ATCAY: variants seen among roughly 807,000 people sequenced by gnomAD.
ATCAY encodes the protein caytaxin.
A neutral mutation model predicts 47.7 loss-of-function variants in ATCAY; 22 were observed. That is an observed-to-expected ratio of 0.46 (90% CI 0.33 to 0.66). The LOEUF is 0.66. Ranked by LOEUF, ATCAY falls within the 30% of genes least tolerant of loss-of-function variation. ATCAY has a pLI of 0.02. For synonymous variants in ATCAY, 216 were observed against 207.6 expected (o/e 1.04, Z -0.35); for missense variants, 452 against 515.0 (o/e 0.88, Z 1.18).
At chr19:3,911,802 C>T (rs1020674705) in intron 8 of ATCAY, among the ~76,000 whole-genome samples, 6 of 152,138 alleles carry the variant, frequency 3.9e-5, no homozygotes, top group African/African-American at 1.2e-4. Flanking sequence ...CTGGGATGAG[C>T]GAAAGAGACG....
intron 12 of ATCAY, among the ~76,000 whole-genome samples, chr19:3,923,466 G>A (rs2039037311): frequency 6.6e-6 from 1 of 151,874 alleles, no homozygotes; most frequent in Non-Finnish European, 1.5e-5. Flanking sequence ...GTGGATGGAT[G>A]GAAGGATGTT....
intron 9 of ATCAY, among the ~76,000 whole-genome samples, chr19:3,914,249 A>AAAAAAAG (rs2038947906): frequency 1.3e-5 from 2 of 150,452 alleles, no homozygotes; most frequent in South Asian, 4.2e-4. Flanking sequence ...AAAAAAAAAA[A>AAAAAAAG]AGGGCTAACG....
intron 2 of ATCAY, among the ~76,000 whole-genome samples, chr19:3,887,273 G>A (rs2038666037): frequency 6.6e-6 from 1 of 150,656 alleles, no homozygotes; most frequent in Admixed American, 6.7e-5. Flanking sequence ...GCCTGGGCAA[G>A]ATAGTGAGAC....
intron 6 of ATCAY, 93 bp from the exon 7 acceptor site, chr19:3,909,393 G>C (rs933584082): frequency 6.8e-7 from 1 of 1,469,068 alleles, no homozygotes; most frequent in Non-Finnish European, 9.3e-7. Context: ...CCCAGCCAGC[G>C]GCAGGAGTGG....
chr19:3,902,097 G>A (rs141019874), intron 2 of ATCAY, among the ~76,000 whole-genome samples: 190 of 152,264 alleles, frequency 1.2e-3, no homozygotes, highest in African/African-American at 4.4e-3. Context: ...AAGATGGCTT[G>A]AGCCCAGGAG....
Position 3,918,884 on chromosome 19 carries a change from G to A in ATCAY, c.1073+7G>A, listed in dbSNP as rs749723971. 3.1e-6 allele frequency: 5 copies of A among 1,613,864 alleles called. No individual in the cohort carries two copies. The highest frequency in any genetic ancestry group is 2.2e-5 in the East Asian group (1 of 44,894). On this transcript the variant is annotated splice_region_variant and intron_variant, in intron 11 of 12. Coordinates refer to ENST00000450849, the MANE Select transcript of ATCAY (RefSeq NM_033064.5). Reference sequence around the variant, plus strand: ...TGGCACCAGTGGAAAACAGGTAGGTGTGCAGGGGACCATGGGCAGAGAGCT... The same window carrying A: ...TGGCACCAGTGGAAAACAGGTAGGTATGCAGGGGACCATGGGCAGAGAGCT...
chr19:3,896,300 CT>C (rs2038769725), intron 2 of ATCAY, among the ~76,000 whole-genome samples: 1 of 148,752 alleles, frequency 6.7e-6, no homozygotes, highest in Admixed American at 6.8e-5. Context: ...CAGAGTCTCA[CT>C]CTGTCACTCA....
rs752433771 is a variant in ATCAY, at chr19:3,907,786, A to G, written c.411A>G (p.Leu137=). 107 of 1,613,884 alleles carry G rather than the reference A, an allele frequency of 6.6e-5. No individual in the cohort carries two copies. Among genetic ancestry groups the G allele is most frequent in the Non-Finnish European group, 9.0e-5 (106 of 1,179,882 alleles). Residue 137 remains leucine (L), a synonymous_variant, in exon 5 of 13, where the codon CTA becomes CTG. Coordinates refer to ENST00000450849, the MANE Select transcript of ATCAY (RefSeq NM_033064.5). The surrounding 1 kb of genome is among the most constrained non-coding windows in gnomAD (Gnocchi z 5.1). ...AKNMPGDSAD[L]FGDGTTEDGS... The stretch of plus-strand genomic sequence containing the variant: ...ACATGCCCGGGGACAGCGCGGATCT[A>G]TTTGGGGACGGCACGACGGAGGACG...
Position 3,925,602 on chromosome 19 carries a change from G to A in ATCAY, c.*1010G>A, listed in dbSNP as rs1172328825. 6.6e-6 allele frequency: 1 copy of A among 152,252 alleles called. No individual in the cohort carries two copies. Among genetic ancestry groups the A allele is most frequent in the African/African-American group, 2.4e-5 (1 of 41,464 alleles). 9.4% of individuals were successfully genotyped at this position (152,252 alleles called of 1,614,324 possible). ...CTTGGACCAGCGGGTTCTTGTTCGGGAGGCAAATTTCCCTAGGAAAAAGAA... is the reference window on the plus strand; with the variant it reads ...CTTGGACCAGCGGGTTCTTGTTCGGAAGGCAAATTTCCCTAGGAAAAAGAA... On this transcript the variant is annotated 3_prime_UTR_variant, in exon 13 of 13. Coordinates refer to ENST00000450849, the MANE Select transcript of ATCAY (RefSeq NM_033064.5). The surrounding 1 kb of genome is among the most constrained non-coding windows in gnomAD (Gnocchi z 4.4).
At chr19:3,887,754 G>C (rs1290763274) in intron 2 of ATCAY, among the ~76,000 whole-genome samples, 7 of 150,370 alleles carry the variant, frequency 4.7e-5, no homozygotes, top group African/African-American at 1.7e-4. Context: ...CCAAAGTGCT[G>C]GGATTACAGG....
chr19:3,893,139 G>A (rs78228017), intron 2 of ATCAY, among the ~76,000 whole-genome samples: 1,785 of 150,640 alleles, frequency 0.012, 41 homozygotes, highest in African/African-American at 0.041. Flanking sequence ...ACGAAGCCAC[G>A]CTGTGCATCT....
chr19:3,895,000 C>A, intron 2 of ATCAY: 1 of 383,412 alleles, frequency 2.6e-6, no homozygotes, highest in South Asian at 1.9e-5. Flanking sequence ...CCTTCCCTGA[C>A]CACCCCACAG....
chr19:3,910,789 G>C lies in ATCAY; in HGVS notation c.780-14G>C. 6.2e-7 allele frequency: 1 copy of C among 1,613,922 alleles called. No homozygotes were observed. ...CCCAGGAGCCCATCTTGCTTCCTTTGCGGCCCCACACAGGTTGCGGAAAAA... is the reference window on the plus strand; with the variant it reads ...CCCAGGAGCCCATCTTGCTTCCTTTCCGGCCCCACACAGGTTGCGGAAAAA... On this transcript the variant is annotated splice_polypyrimidine_tract_variant and intron_variant, in intron 7 of 12. Coordinates refer to ENST00000450849, the MANE Select transcript of ATCAY (RefSeq NM_033064.5).
chr19:3,885,279 T>C (rs1452698355), intron 1 of ATCAY, among the ~76,000 whole-genome samples: 1 of 146,604 alleles, frequency 6.8e-6, no homozygotes, highest in Non-Finnish European at 1.5e-5. Flanking sequence ...ATTAGCCGGG[T>C]GTGATGGCTC....
chr19:3,917,501 C>T (rs1380518235), intron 9 of ATCAY, among the ~76,000 whole-genome samples: 1 of 131,040 alleles, frequency 7.6e-6, no homozygotes, highest in African/African-American at 3.1e-5. Context: ...AGCAGAATCA[C>T]TCAAACCGGG....
intron 6 of ATCAY, 68 bp from the exon 7 acceptor site, chr19:3,909,418 G>A (rs1217321646): frequency 2.6e-5 from 40 of 1,524,600 alleles, no homozygotes; most frequent in South Asian, 2.4e-4. Flanking sequence ...AGGCAGGGTC[G>A]GCACCGCAGG....
intron 2 of ATCAY, among the ~76,000 whole-genome samples, chr19:3,901,176 A>G (rs965174433): frequency 6.6e-6 from 1 of 152,206 alleles, no homozygotes; most frequent in African/African-American, 2.4e-5. Context: ...TGCTGGGATT[A>G]CAGGCGTGAG....
chr19:3,889,071 A>G (rs1009550472), intron 2 of ATCAY, among the ~76,000 whole-genome samples: 1 of 152,098 alleles, frequency 6.6e-6, no homozygotes, highest in Non-Finnish European at 1.5e-5. Context: ...GGAGTTTGAG[A>G]TTAGCCTGGG....
intron 9 of ATCAY, among the ~76,000 whole-genome samples, chr19:3,916,581 C>T (rs1306744607): frequency 3.9e-5 from 6 of 152,200 alleles, no homozygotes; most frequent in Non-Finnish European, 8.8e-5. Flanking sequence ...GCAACCTCCA[C>T]CTCCCGGGTT....
Sources: gnomAD v4.1 joint callset for allele counts (sites outside exome capture counted in the v4.1 genomes callset) on GRCh38, gnomAD v4.1.1 for gene constraint, Gnocchi (gnomAD v3.1) non-coding constraint, MANE v1.5 for transcripts, NCBI Gene and HGNC (gene_info 2026-07-23, HGNC 2026-07-21) for gene names.